Variants in CNBD1 observed in about 807,000 individuals in gnomAD.
The protein encoded by CNBD1 is cyclic nucleotide-binding domain-containing protein 1.
Under a neutral mutation model 54.4 loss-of-function variants are expected in CNBD1, and 71 were observed. That is an observed-to-expected ratio of 1.30 (90% confidence interval 1.08 to 1.59). The LOEUF is 1.59. CNBD1 is among the 40% of genes most tolerant of loss of function. The pLI is 0.00. For synonymous variants in CNBD1, 182 were observed against 170.7 expected (o/e 1.07, Z -0.51); for missense variants, 659 against 518.0 (o/e 1.27, Z -2.64).
chr8:87,380,773 A>G (rs1379716138), intron 10 of CNBD1, among the ~76,000 whole-genome samples: 2 of 151,800 alleles, frequency 1.3e-5, no homozygotes, highest in Non-Finnish European at 2.9e-5. Context: ...GTTTTTTAGG[A>G]CTGTTGTAAA....
intron 5 of CNBD1, among the ~76,000 whole-genome samples, chr8:87,217,806 G>A (rs1168692421): frequency 6.6e-6 from 1 of 151,844 alleles, no homozygotes; most frequent in Admixed American, 6.6e-5. Context: ...CAATTCATCT[G>A]GTTATCCAGG....
At chr8:87,134,624 A>C (rs1017087756) in intron 4 of CNBD1, among the ~76,000 whole-genome samples, 7 of 76,970 alleles carry the variant, frequency 9.1e-5, no homozygotes, top group Non-Finnish European at 1.4e-4. Flanking sequence ...TTTTTTTGAG[A>C]TGGAGTCTCG....
At chr8:86,950,067 T>C (rs1389087594) in intron 4 of CNBD1, among the ~76,000 whole-genome samples, 2 of 85,462 alleles carry the variant, frequency 2.3e-5, no homozygotes, top group Admixed American at 1.2e-4. Flanking sequence ...TTTTTTTTTT[T>C]TTTTTTTTTT....
intron 8 of CNBD1, among the ~76,000 whole-genome samples, chr8:87,312,464 A>G (rs939380897): frequency 3.3e-5 from 5 of 152,078 alleles, no homozygotes; most frequent in Admixed American, 6.6e-5. Flanking sequence ...CAAGCTATGA[A>G]TTAATGACAA....
intron 8 of CNBD1, among the ~76,000 whole-genome samples, chr8:87,342,431 A>AT: frequency 6.6e-6 from 1 of 152,328 alleles, no homozygotes; most frequent in Non-Finnish European, 1.5e-5. Context: ...CAGTTACTAC[A>AT]TTATGAATCA....
chr8:87,193,105 C>A (rs1813646355), intron 4 of CNBD1, among the ~76,000 whole-genome samples: 1 of 152,006 alleles, frequency 6.6e-6, no homozygotes, highest in Admixed American at 6.6e-5. Context: ...ATTAAGCATT[C>A]AATGAAAATA....
intron 4 of CNBD1, among the ~76,000 whole-genome samples, chr8:86,956,438 C>A (rs988352534): frequency 6.6e-6 from 1 of 152,138 alleles, no homozygotes; most frequent in Non-Finnish European, 1.5e-5. Flanking sequence ...ACCATTTTCA[C>A]GACATTGATT....
rs186580346 is a variant in CNBD1 at position 87,279,992 on chromosome 8, A to G, written c.772-4686A>G. The stretch of plus-strand genomic sequence containing the variant: ...AAAGATATTTTTTTTCTATAATTGA[A>G]AAGGTGATCCTCTTTGATTCAGCAT... On this transcript the variant is annotated intron_variant, in intron 6 of 10. Transcript: ENST00000518476. Among the ~76,000 whole-genome samples the G allele has an allele frequency of 3.6e-3, 547 of 151,626 alleles. 7 individuals are homozygous for G. The highest frequency in any genetic ancestry group is 0.034 in the Middle Eastern group (10 of 294).
chr8:86,935,459 C>A (rs1017492011), intron 3 of CNBD1, among the ~76,000 whole-genome samples: 1 of 152,132 alleles, frequency 6.6e-6, no homozygotes, highest in South Asian at 2.1e-4. Context: ...TGTTATATTT[C>A]TACTTGTGTC....
intron 10 of CNBD1, among the ~76,000 whole-genome samples, chr8:87,372,340 C>G (rs1810828854): frequency 6.6e-6 from 1 of 151,914 alleles, no homozygotes; most frequent in South Asian, 2.1e-4. Context: ...TTTAGTTTAT[C>G]CTACTTGCAG....
At chr8:87,049,115 A>C (rs1358944543) in intron 4 of CNBD1, among the ~76,000 whole-genome samples, 1 of 152,208 alleles carries the variant, frequency 6.6e-6, no homozygotes, top group Non-Finnish European at 1.5e-5. Context: ...CTCCCAGATT[A>C]CAGGGGTCTC....
intron 2 of CNBD1, among the ~76,000 whole-genome samples, chr8:87,422,957 C>G (rs199659524): frequency 6.6e-6 from 1 of 150,894 alleles, no homozygotes; most frequent in Admixed American, 6.6e-5. Flanking sequence ...CCTTGAGCAG[C>G]GGTTTGTAGT....
At chr8:86,962,790 AAAACAC>A (rs1399310009) in intron 4 of CNBD1, among the ~76,000 whole-genome samples, 5 of 129,448 alleles carry the variant, frequency 3.9e-5, no homozygotes, top group East Asian at 2.0e-4. Context: ...CATCTCAAAA[AAAACAC>A]AAAAAACAAA....
chr8:87,223,596 G>A (rs1295916396), intron 5 of CNBD1, among the ~76,000 whole-genome samples: 6 of 152,044 alleles, frequency 3.9e-5, no homozygotes, highest in Admixed American at 6.5e-5. Context: ...GCTACATAGT[G>A]TTCCATGGTG....
chr8:86,974,968 A>T (rs1808308769), intron 4 of CNBD1, among the ~76,000 whole-genome samples: 1 of 152,042 alleles, frequency 6.6e-6, no homozygotes, highest in Admixed American at 6.6e-5. Flanking sequence ...AAAATCCATT[A>T]AAGGCAGGGC....
At chr8:87,088,068 G>T (rs527409445) in intron 4 of CNBD1, among the ~76,000 whole-genome samples, 4 of 152,270 alleles carry the variant, frequency 2.6e-5, no homozygotes, top group African/African-American at 7.2e-5. Flanking sequence ...TACATTGATG[G>T]CAAAAGTTCC....
chr8:87,173,341 T>A (rs71525087), intron 4 of CNBD1, among the ~76,000 whole-genome samples: 5,065 of 152,246 alleles, frequency 0.033, 121 homozygotes, highest in Non-Finnish European at 0.049. Flanking sequence ...TGTTATAATA[T>A]TCTGTGTTTT....
chr8:87,235,807 G>T (rs1012381083), intron 5 of CNBD1, among the ~76,000 whole-genome samples: 7 of 152,170 alleles, frequency 4.6e-5, no homozygotes, highest in Admixed American at 2.0e-4. Flanking sequence ...AATCTTTGAT[G>T]TATAAAAAAT....
chr8:86,923,757 TA>T (rs1331567555), intron 3 of CNBD1, among the ~76,000 whole-genome samples: 1 of 152,092 alleles, frequency 6.6e-6, no homozygotes, highest in African/African-American at 2.4e-5. Context: ...GTTGAGAAAA[TA>T]TTAGGAAAAG....
Sources: gnomAD v4.1 joint callset for allele counts (sites outside exome capture counted in the v4.1 genomes callset) on GRCh38, gnomAD v4.1.1 for gene constraint, MANE v1.5 for transcripts, NCBI Gene and HGNC (gene_info 2026-07-23, HGNC 2026-07-21) for gene names.